Variants in FOXN3 observed in about 807,000 individuals in gnomAD.
FOXN3 encodes the protein forkhead box N3.
FOXN3 carries 7 observed loss-of-function variants against 38.4 expected under a neutral mutation model. The ratio of observed to expected loss-of-function variants is 0.18; its 90% CI spans 0.10 to 0.34. The LOEUF is 0.34. FOXN3 is among the 10% of genes least tolerant of loss of function. The pLI is 1.00. For missense variants in FOXN3, 456 were observed against 613.4 expected (o/e 0.74, Z 2.71); for synonymous variants, 230 against 242.2 (o/e 0.95, Z 0.47).
rs144175161 is a variant in FOXN3, at chr14:89,467,168, C to T, written c.-14-54678G>A. On this transcript the variant is annotated intron_variant, in intron 1 of 6. Transcript: ENST00000345097. Reference sequence around the variant, plus strand: ...CGGTGGCTCTCCACCCAGACTCAGACACAGCTCTCTGCTAGGGAAGAAAGT... The same window carrying T: ...CGGTGGCTCTCCACCCAGACTCAGATACAGCTCTCTGCTAGGGAAGAAAGT... 2.5e-3 allele frequency among the ~76,000 whole-genome samples: 376 copies of T among 152,312 alleles called. 1 individual carries two copies. The highest frequency in any genetic ancestry group is 8.7e-3 in the African/African-American group (360 of 41,572).
chr14:89,246,011 A>G (rs1284463320), intron 4 of FOXN3, among the ~76,000 whole-genome samples: 1 of 152,196 alleles, frequency 6.6e-6, no homozygotes, highest in Non-Finnish European at 1.5e-5. Context: ...TGGTGTGAGG[A>G]CGGGTGATGG....
chr14:89,535,535 T>C (rs575600150), intron 1 of FOXN3, among the ~76,000 whole-genome samples: 1 of 152,362 alleles, frequency 6.6e-6, no homozygotes. Flanking sequence ...AGTGACCTAG[T>C]ACAGAGAAAA....
upstream of FOXN3, among the ~76,000 whole-genome samples, chr14:89,422,060 T>TG (rs1891925779): frequency 6.6e-6 from 1 of 151,510 alleles, no homozygotes; most frequent in East Asian, 2.0e-4. Context: ...TCTGTAGAGA[T>TG]GGGGTCTCGC....
chr14:89,565,167 T>A (rs1895326573), intron 1 of FOXN3, among the ~76,000 whole-genome samples: 1 of 145,722 alleles, frequency 6.9e-6, no homozygotes, highest in South Asian at 2.2e-4. Flanking sequence ...CCCGTGATGA[T>A]GGAGGCAGAG....
At chr14:89,595,336 AGAAGTAAGTC>A (rs1311797232) in intron 1 of FOXN3, among the ~76,000 whole-genome samples, 5 of 151,988 alleles carry the variant, frequency 3.3e-5, no homozygotes, top group Non-Finnish European at 7.4e-5. Context: ...AAAAAAAAAA[AGAAGTAAGTC>A]TTCCATCTCA....
At chr14:89,505,313 CTCTGAT>C (rs1893893625) in intron 1 of FOXN3, among the ~76,000 whole-genome samples, 2 of 150,836 alleles carry the variant, frequency 1.3e-5, no homozygotes, top group South Asian at 4.3e-4. Context: ...CACGGTCTCC[CTCTGAT>C]GCCGAGCCGA....
intron 5 of FOXN3, among the ~76,000 whole-genome samples, chr14:89,168,115 T>C (rs1887289039): frequency 6.6e-6 from 1 of 152,108 alleles, no homozygotes; most frequent in African/African-American, 2.4e-5. Context: ...ATTAAAAACA[T>C]TAAACACAAT....
chr14:89,249,161 C>A (rs1885380636), intron 4 of FOXN3, among the ~76,000 whole-genome samples: 1 of 152,184 alleles, frequency 6.6e-6, no homozygotes, highest in Non-Finnish European at 1.5e-5. Flanking sequence ...ACAACAGATA[C>A]ACTGTACTCA....
rs368508212 is a variant in FOXN3 at position 89,438,141 on chromosome 14, T to C, written c.-14-25651A>G. ...AAAGTGTCAATAAAAATCATACAAATATAATTTAGTTAATGTTTATTGAGA... is the reference window on the plus strand; with the variant it reads ...AAAGTGTCAATAAAAATCATACAAACATAATTTAGTTAATGTTTATTGAGA... On this transcript the variant is annotated intron_variant, in intron 1 of 6. Transcript: ENST00000345097. Among the ~76,000 whole-genome samples the C allele has an allele frequency of 3.9e-5, 6 of 152,216 alleles. No individual in the cohort carries two copies. In the East Asian group the frequency reaches 1.2e-3, roughly 29 times the overall value.
At chr14:89,449,412 T>C (rs1285253829) in intron 1 of FOXN3, among the ~76,000 whole-genome samples, 1 of 152,220 alleles carries the variant, frequency 6.6e-6, no homozygotes, top group African/African-American at 2.4e-5. Context: ...TTCTTTTCTT[T>C]GTCTCAAACC....
At chr14:89,505,473 C>T (rs1263968809) in intron 1 of FOXN3, among the ~76,000 whole-genome samples, 6 of 152,126 alleles carry the variant, frequency 3.9e-5, no homozygotes, top group Non-Finnish European at 7.3e-5. Context: ...GACGGGGTTT[C>T]GCTGTGTTGG....
At chr14:89,482,185 T>G (rs1350153923) in intron 1 of FOXN3, among the ~76,000 whole-genome samples, 1 of 152,170 alleles carries the variant, frequency 6.6e-6, no homozygotes, top group Non-Finnish European at 1.5e-5. Flanking sequence ...GTATATACTT[T>G]CCCCTAGTGA....
At chr14:89,311,030 C>T (rs142802863) in intron 3 of FOXN3, among the ~76,000 whole-genome samples, 2,450 of 148,544 alleles carry the variant, frequency 0.016, 15 homozygotes, top group Non-Finnish European at 0.027. Context: ...CACTTGAACC[C>T]GGGAGGCAGA....
chr14:89,509,329 GTTGTTTGT>G (rs72281256), intron 1 of FOXN3, among the ~76,000 whole-genome samples: 2 of 151,334 alleles, frequency 1.3e-5, no homozygotes, highest in East Asian at 1.9e-4. Flanking sequence ...TTTTTTTGTT[GTTGTTTGT>G]TTGTTTGTTT....
intron 3 of FOXN3, among the ~76,000 whole-genome samples, chr14:89,295,055 T>C (rs2139938818): frequency 6.6e-6 from 1 of 152,138 alleles, no homozygotes; most frequent in Admixed American, 6.5e-5. Context: ...GCCCTCCTGT[T>C]CCTTCCCAGC....
intron 3 of FOXN3, among the ~76,000 whole-genome samples, chr14:89,301,085 G>C (rs931808090): frequency 1.3e-5 from 2 of 152,080 alleles, no homozygotes; most frequent in African/African-American, 2.4e-5. Context: ...TTACAGGCAT[G>C]AGCCACTGCA....
intron 4 of FOXN3, among the ~76,000 whole-genome samples, chr14:89,201,785 T>C (rs569705921): frequency 5.3e-5 from 8 of 152,318 alleles, no homozygotes; most frequent in South Asian, 2.1e-4. Flanking sequence ...TATTGGAAGA[T>C]AGCTCCTGCC....
intron 3 of FOXN3, among the ~76,000 whole-genome samples, chr14:89,344,363 G>T (rs990633195): frequency 6.6e-6 from 1 of 151,870 alleles, no homozygotes; most frequent in African/African-American, 2.4e-5. Context: ...AGGATGCTGG[G>T]ATTTCTTTGG....
rs888158965 is a variant in FOXN3 at position 89,444,607 on chromosome 14, C to A, written c.-14-32117G>T. Among the ~76,000 whole-genome samples, 7 of 152,248 alleles carry A rather than the reference C, an allele frequency of 4.6e-5. No homozygotes were observed. In the East Asian group the frequency reaches 9.6e-4, roughly 21 times the overall value. On this transcript the variant is annotated intron_variant, in intron 1 of 6. Transcript: ENST00000345097. ...CAAAACCCAATTTTATCATTTACAA[C>A]CCCACAGAAAAACAGCTAAAGTAGC...
Sources: allele counts gnomAD v4.1 joint callset (sites outside exome capture counted in the v4.1 genomes callset), GRCh38; gene constraint gnomAD v4.1.1; transcripts MANE v1.5; gene names NCBI Gene and HGNC (gene_info 2026-07-23, HGNC 2026-07-21).